N4BP2: variants seen among roughly 807,000 people sequenced by gnomAD.
The protein encoded by N4BP2 is NEDD4 binding protein 2, also known as NEDD4-binding protein 2.
In N4BP2, 91 loss-of-function variants were observed where a neutral mutation model predicts 152.8. The observed-to-expected ratio is 0.60, with a 90% CI of 0.50 to 0.71. N4BP2 has a LOEUF of 0.71. Among genes scored for constraint, N4BP2 ranks in the 30% least tolerant of loss-of-function variants. N4BP2 has a pLI of 0.00. For missense variants in N4BP2, 1,923 were observed against 2,059.1 expected (o/e 0.93, Z 1.28); for synonymous variants, 646 against 705.3 (o/e 0.92, Z 1.33).
chr4:40,131,803 A>G lies in N4BP2; in HGVS notation c.4530A>G (p.Lys1510=). Residue 1510 remains lysine, a splice_region_variant and synonymous_variant, in exon 13 of 18, where the codon AAA becomes AAG. Transcript: ENST00000261435. The part of the protein sequence containing the change: ...EIALQEKHNL[K]RETLMFEKDC... ...TGATTTTTATGTTTTTGTTTTAGAA[A>G]AGGGAGACCCTTATGTTTGAAAAAG... The G allele has an allele frequency of 6.2e-7, 1 of 1,606,998 alleles. No homozygotes were observed. Among genetic ancestry groups the G allele is most frequent in the Non-Finnish European group, 8.5e-7 (1 of 1,174,858 alleles).
intron 14 of N4BP2, among the ~76,000 whole-genome samples, chr4:40,138,346 A>G (rs1719594399): frequency 6.6e-6 from 1 of 152,208 alleles, no homozygotes; most frequent in South Asian, 2.1e-4. Flanking sequence ...CCAGTCAGAC[A>G]TGTGATTTGC....
At chr4:40,143,328 T>A (rs943708672) in intron 15 of N4BP2, among the ~76,000 whole-genome samples, 14 of 152,320 alleles carry the variant, frequency 9.2e-5, no homozygotes, top group Admixed American at 2.6e-4. Context: ...TTATTTATTT[T>A]TTTAAGATAA....
intron 13 of N4BP2, among the ~76,000 whole-genome samples, chr4:40,135,112 C>T (rs1338698569): frequency 8.6e-6 from 1 of 115,916 alleles, no homozygotes; most frequent in African/African-American, 3.3e-5. Context: ...CCCCACCCCA[C>T]AAGAGTCCCC....
chr4:40,187,034 A>T, the N4BP2 span, among the ~76,000 whole-genome samples: 2 of 152,262 alleles, frequency 1.3e-5, no homozygotes, highest in Non-Finnish European at 2.9e-5. Flanking sequence ...GAAATTCACA[A>T]TTTTACTTCA....
the N4BP2 span, among the ~76,000 whole-genome samples, chr4:40,173,988 GA>G: frequency 2.6e-5 from 4 of 151,802 alleles, no homozygotes; most frequent in Admixed American, 2.0e-4. Context: ...ATGCTTGTGA[GA>G]AAAAAACACT....
the N4BP2 span, among the ~76,000 whole-genome samples, chr4:40,183,568 C>T: frequency 4.6e-5 from 7 of 152,168 alleles, no homozygotes; most frequent in Non-Finnish European, 1.0e-4. Flanking sequence ...GACCTTCTGA[C>T]CTCGTGATCC....
the N4BP2 span, among the ~76,000 whole-genome samples, chr4:40,168,495 A>G: frequency 6.6e-6 from 1 of 152,160 alleles, no homozygotes; most frequent in East Asian, 1.9e-4. Context: ...ATAAAAGACA[A>G]TATTTGAAGA....
rs747259299 is a variant in N4BP2 at position 40,152,857 on chromosome 4, C to G, written c.5221C>G (p.Arg1741Gly). The change falls in exon 17 of 18, where the codon CGC (arginine) becomes GGC (glycine). Residue 1741 changes from arginine to glycine, a missense_variant. By Grantham distance (125) the Arg-to-Gly change is moderately radical. Coordinates refer to ENST00000261435, the MANE Select transcript of N4BP2 (RefSeq NM_018177.6). ...RGNHSQGGVA[R>G]IKPAVIKYLI... is the part of the protein sequence containing the mutation. Reference sequence around the variant, plus strand: ...AAACCACAGCCAGGGAGGAGTTGCTCGCATCAAACCAGCTGTCATTAAGTA... The same window carrying G: ...AAACCACAGCCAGGGAGGAGTTGCTGGCATCAAACCAGCTGTCATTAAGTA... 6.2e-7 allele frequency: 1 copy of G among 1,613,922 alleles called. No homozygotes were observed. The highest frequency in any genetic ancestry group is 1.7e-5 in the Admixed American group (1 of 59,994).
intron 13 of N4BP2, among the ~76,000 whole-genome samples, chr4:40,132,868 G>A (rs1719023113): frequency 6.7e-6 from 1 of 149,748 alleles, no homozygotes; most frequent in Non-Finnish European, 1.5e-5. Flanking sequence ...GGTAGGAATT[G>A]ATTTACTAAT....
At chr4:40,164,948 T>C in the N4BP2 span, among the ~76,000 whole-genome samples, 1 of 152,228 alleles carries the variant, frequency 6.6e-6, no homozygotes, top group African/African-American at 2.4e-5. Flanking sequence ...AGCTGTAGAG[T>C]AAGAAGAGCT....
At chr4:40,123,074 A>G (rs1718080568) in intron 9 of N4BP2, 53 bp from the exon 10 acceptor site, 1 of 1,192,112 alleles carries the variant, frequency 8.4e-7, no homozygotes, top group South Asian at 1.3e-5. Context: ...TGTTTTCTGC[A>G]AATATATAAT....
At chr4:40,160,854 TTA>T (rs1560659426), downstream of N4BP2, among the ~76,000 whole-genome samples, 11 of 152,292 alleles carry the variant, frequency 7.2e-5, no homozygotes, top group South Asian at 1.9e-3. Context: ...ATGTTAAGTT[TTA>T]GTTTTCAGTT....
chr4:40,067,938 C>T (rs1363101633), intron 1 of N4BP2, among the ~76,000 whole-genome samples: 1 of 152,126 alleles, frequency 6.6e-6, no homozygotes, highest in African/African-American at 2.4e-5. Flanking sequence ...CCTTGACTTC[C>T]TAAAGTGCTG....
chr4:40,183,753 A>G, the N4BP2 span, among the ~76,000 whole-genome samples: 5 of 152,374 alleles, frequency 3.3e-5, no homozygotes, highest in African/African-American at 1.2e-4. Context: ...CTTAGGTAAG[A>G]CATTTATCTC....
At chr4:40,152,656 TG>T (rs943963084) in intron 16 of N4BP2, 123 bp from the exon 17 acceptor site, 3 of 969,432 alleles carry the variant, frequency 3.1e-6, no homozygotes, top group Admixed American at 2.4e-5. Flanking sequence ...ATTACAGTTT[TG>T]AGATGGCAAA....
chr4:40,067,610 C>T (rs1360381090), intron 1 of N4BP2, among the ~76,000 whole-genome samples: 2 of 152,002 alleles, frequency 1.3e-5, no homozygotes, highest in Non-Finnish European at 2.9e-5. Context: ...ACTGCCATAC[C>T]CTTTGCTTAG....
chr4:40,184,193 G>A, the N4BP2 span, among the ~76,000 whole-genome samples: 2 of 152,172 alleles, frequency 1.3e-5, no homozygotes, highest in African/African-American at 4.8e-5. Flanking sequence ...TATGTTAAAC[G>A]TGGGACTTAC....
At chr4:40,180,279 A>C in the N4BP2 span, among the ~76,000 whole-genome samples, 1 of 152,248 alleles carries the variant, frequency 6.6e-6, no homozygotes, top group Non-Finnish European at 1.5e-5. Context: ...GCCATTTTAG[A>C]GGAGAAATAC....
chr4:40,128,539 G>GTTTTT lies in N4BP2; in HGVS notation c.4527+2217_4527+2221dup, dbSNP rs11423243. ...GCAATGAATTTTCTTTCTTCTTTCT[G>GTTTTT]TTTTTTTTTTTTGAGTCTCGTTCTG... On this transcript the variant is annotated intron_variant, in intron 12 of 17. Coordinates refer to ENST00000261435, the MANE Select transcript of N4BP2 (RefSeq NM_018177.6). Among the ~76,000 whole-genome samples, 133 of 145,118 alleles carry GTTTTT rather than the reference G, an allele frequency of 9.2e-4. 1 individual carries two copies. The highest frequency in any genetic ancestry group is 3.6e-3 in the Middle Eastern group (1 of 280).
Sources: gnomAD v4.1 joint callset for allele counts (sites outside exome capture counted in the v4.1 genomes callset) on GRCh38, gnomAD v4.1.1 for gene constraint, MANE v1.5 for transcripts, NCBI Gene and HGNC (gene_info 2026-07-23, HGNC 2026-07-21) for gene names.